GABRB1: variants seen among roughly 807,000 people sequenced by gnomAD.
GABRB1 encodes the protein gamma-aminobutyric acid type A receptor subunit beta1, also known as gamma-aminobutyric acid receptor subunit beta-1.
GABRB1 carries 17 observed loss-of-function variants against 51.6 expected under a neutral mutation model. The observed-to-expected ratio is 0.33, with a 90% confidence interval of 0.23 to 0.49. The LOEUF is 0.49. GABRB1 is among the 20% of genes least tolerant of loss of function. GABRB1 has a pLI of 0.99. For missense variants in GABRB1, 410 were observed against 600.6 expected, an observed-to-expected ratio of 0.68 and a Z score of 3.32; for synonymous variants, 247 against 218.9, an observed-to-expected ratio of 1.13 and a Z score of -1.14.
At chr4:47,107,824 T>A (rs1213489888) in intron 3 of GABRB1, among the ~76,000 whole-genome samples, 1 of 152,072 alleles carries the variant, frequency 6.6e-6, no homozygotes, top group African/African-American at 2.4e-5. Flanking sequence ...AAACAGGATT[T>A]TCCCAAAACT....
At position 47,037,601 on chromosome 4, in the gene GABRB1, G is replaced by C. The variant is rs539933433; in HGVS notation, c.240+5117G>C. Among the ~76,000 whole-genome samples, 37 of 148,986 alleles carry C rather than the reference G, an allele frequency of 2.5e-4. No homozygotes were observed. In the South Asian group the frequency reaches 7.6e-3, roughly 31 times the overall value. On this transcript the variant is annotated intron_variant, in intron 3 of 8. Coordinates refer to ENST00000295454, the MANE Select transcript of GABRB1 (RefSeq NM_000812.4). ...AGCCACATTAAAGCAAGCCTATCTA[G>C]ATTGTTTTAAAGTTTGAGTTTACAT... is the stretch of plus-strand genomic sequence containing the variant.
At chr4:47,418,861 C>G (rs1560377916) in intron 8 of GABRB1, among the ~76,000 whole-genome samples, 1 of 152,110 alleles carries the variant, frequency 6.6e-6, no homozygotes, top group Non-Finnish European at 1.5e-5. Context: ...GCAGCACTAT[C>G]CTTTAGGTTC....
chr4:47,001,349 A>C (rs150090995), intron 1 of GABRB1, among the ~76,000 whole-genome samples: 1 of 151,996 alleles, frequency 6.6e-6, no homozygotes, highest in Non-Finnish European at 1.5e-5. Flanking sequence ...TCACCGTGTT[A>C]GCCAGGATGG....
At chr4:47,082,044 T>C (rs1023718670) in intron 3 of GABRB1, among the ~76,000 whole-genome samples, 6 of 152,068 alleles carry the variant, frequency 3.9e-5, no homozygotes, top group African/African-American at 1.4e-4. Flanking sequence ...TGTATAAAGT[T>C]ATACAAATAT....
intron 4 of GABRB1, among the ~76,000 whole-genome samples, chr4:47,273,864 T>TACACATAC (rs1553869409): frequency 3.5e-4 from 43 of 122,420 alleles, no homozygotes; most frequent in Non-Finnish European, 7.2e-4. Flanking sequence ...CATATATACA[T>TACACATAC]ACACACACAC....
intron 4 of GABRB1, among the ~76,000 whole-genome samples, chr4:47,182,745 G>A (rs1169360777): frequency 6.6e-6 from 1 of 151,888 alleles, no homozygotes; most frequent in East Asian, 1.9e-4. Flanking sequence ...GTAATAAGTT[G>A]CTTTAATAGT....
At chr4:47,326,061 T>C (rs1725247313) in intron 5 of GABRB1, among the ~76,000 whole-genome samples, 1 of 152,186 alleles carries the variant, frequency 6.6e-6, no homozygotes. Context: ...AATTATACCC[T>C]TGATTGGAGC....
At chr4:47,298,314 G>C (rs1724095517) in intron 4 of GABRB1, among the ~76,000 whole-genome samples, 1 of 152,218 alleles carries the variant, frequency 6.6e-6, no homozygotes, top group African/African-American at 2.4e-5. Flanking sequence ...GTTTGCAGAT[G>C]ACATGATTGT....
intron 1 of GABRB1, among the ~76,000 whole-genome samples, chr4:47,025,286 G>A (rs1421243808): frequency 6.6e-6 from 1 of 151,730 alleles, no homozygotes. Context: ...TTGATCAAAT[G>A]GTAGTTCTAT....
chr4:47,329,562 C>T (rs1472116799), intron 5 of GABRB1, among the ~76,000 whole-genome samples: 1 of 147,842 alleles, frequency 6.8e-6, no homozygotes, highest in Admixed American at 6.8e-5. Context: ...AGAATAGAAG[C>T]CTTTCCATTC....
chr4:47,022,444 C>G (rs1315079754), intron 1 of GABRB1, among the ~76,000 whole-genome samples: 1 of 151,994 alleles, frequency 6.6e-6, no homozygotes, highest in East Asian at 1.9e-4. Flanking sequence ...ACAAATTATT[C>G]TTTTTTCTAT....
At chr4:47,152,231 A>G (rs1035290284) in intron 3 of GABRB1, among the ~76,000 whole-genome samples, 29 of 152,010 alleles carry the variant, frequency 1.9e-4, no homozygotes, top group Non-Finnish European at 3.5e-4. Context: ...ATGTAATAAG[A>G]TGACAGCACT....
At chr4:47,125,555 A>ATTTTTTTTTTT (rs570181191) in intron 3 of GABRB1, among the ~76,000 whole-genome samples, 1 of 21,016 alleles carries the variant, frequency 4.8e-5, no homozygotes, top group Non-Finnish European at 1.0e-4. Flanking sequence ...ACAAAGTATA[A>ATTTTTTTTTTT]TTTCTTTTTT....
intron 4 of GABRB1, among the ~76,000 whole-genome samples, chr4:47,179,037 A>G (rs1718828690): frequency 6.6e-6 from 1 of 152,082 alleles, no homozygotes; most frequent in African/African-American, 2.4e-5. Context: ...ACATAGGTAT[A>G]CATGTGCCAT....
chr4:47,121,381 A>C (rs1408546573), intron 3 of GABRB1, among the ~76,000 whole-genome samples: 1 of 151,980 alleles, frequency 6.6e-6, no homozygotes, highest in Non-Finnish European at 1.5e-5. Context: ...TGTCTTTACT[A>C]CTCTCTTCAG....
rs377567984 is a variant in GABRB1, at chr4:46,995,806, T to C, written c.-20+1880T>C. On this transcript the variant is annotated intron_variant, in intron 1 of 3. Transcript: ENST00000513567. ...TTTGGGGAAACAGTTACATATCGTA[T>C]CTTTAAAATTCAAACTTAAAATCTG... Among the ~76,000 whole-genome samples the C allele has an allele frequency of 3.3e-5, 5 of 152,330 alleles. No homozygotes were observed. The South Asian group carries it at 1.0e-3, about 32-fold the overall frequency.
At chr4:47,092,830 C>T (rs1305678569) in intron 3 of GABRB1, among the ~76,000 whole-genome samples, 1 of 151,994 alleles carries the variant, frequency 6.6e-6, no homozygotes, top group African/African-American at 2.4e-5. Flanking sequence ...GGCCAGGCTG[C>T]TCTTGAACTC....
chr4:47,330,081 T>G (rs1231246116), intron 5 of GABRB1, among the ~76,000 whole-genome samples: 1 of 152,090 alleles, frequency 6.6e-6, no homozygotes, highest in African/African-American at 2.4e-5. Flanking sequence ...CCATTTGAGT[T>G]CAAAAGCAGG....
chr4:47,171,949 T>C (rs1718453553), intron 4 of GABRB1, among the ~76,000 whole-genome samples: 1 of 152,144 alleles, frequency 6.6e-6, no homozygotes, highest in South Asian at 2.1e-4. Flanking sequence ...TCAACTTCTA[T>C]TTTATGTATA....
Sources: allele counts gnomAD v4.1 joint callset (sites outside exome capture counted in the v4.1 genomes callset), GRCh38; gene constraint gnomAD v4.1.1; transcripts MANE v1.5; gene names NCBI Gene and HGNC (gene_info 2026-07-23, HGNC 2026-07-21).